The following TMEM74 variants were observed in gnomAD, a reference collection of about 807,000 sequenced individuals.
The protein encoded by TMEM74 is transmembrane protein 74.
Under a neutral mutation model 18.1 loss-of-function variants are expected in TMEM74, and 13 were observed. The observed-to-expected ratio is 0.72, with a 90% CI of 0.47 to 1.14. The LOEUF is 1.14. Ranked by LOEUF, TMEM74 falls within the 50% of genes most tolerant of loss-of-function variation. The pLI is 0.00. For synonymous variants in TMEM74, 159 were observed against 146.6 expected (o/e 1.08, Z -0.61); for missense variants, 372 against 375.9 (o/e 0.99, Z 0.09).
chr8:108,768,908 G>A (rs1471529589), intron 1 of TMEM74, among the ~76,000 whole-genome samples: 1 of 152,118 alleles, frequency 6.6e-6, no homozygotes, highest in Non-Finnish European at 1.5e-5. Context: ...TGGACCCTTT[G>A]ACCTGAGGCT....
rs536248162 is a variant in TMEM74, at chr8:108,742,149, G to A, written n.119+45327C>T. ...CAACAGACACTGGGGTCGGGTTGAGGGTGGGAGGAGGGAGAGGAGCAGAAA... is the reference window on the plus strand; with the variant it reads ...CAACAGACACTGGGGTCGGGTTGAGAGTGGGAGGAGGGAGAGGAGCAGAAA... On this transcript the variant is annotated intron_variant and non_coding_transcript_variant, in intron 1 of 3. Transcript: ENST00000518838. 3.3e-5 allele frequency among the ~76,000 whole-genome samples: 5 copies of A among 152,176 alleles called. No homozygotes were observed. In the East Asian group the frequency reaches 5.8e-4, roughly 18 times the overall value.
At chr8:108,707,641 T>C (rs562665380) in intron 1 of TMEM74, among the ~76,000 whole-genome samples, 2 of 152,192 alleles carry the variant, frequency 1.3e-5, no homozygotes, top group Non-Finnish European at 2.9e-5. Context: ...GATATACACA[T>C]GCAAAATAAT....
At position 108,620,526 on chromosome 8, in the gene TMEM74, A is replaced by G. The variant is rs192970552; in HGVS notation, n.265-11700T>C. Among the ~76,000 whole-genome samples, 551 of 152,296 alleles carry G rather than the reference A, an allele frequency of 3.6e-3. 4 individuals carry two copies. Among genetic ancestry groups the G allele is most frequent in the African/African-American group, 0.013 (523 of 41,568 alleles). ...TTTAGAAGGCGGATATTCCCACATC[A>G]TTATACATGTATGAAAAATCAGGCC... On this transcript the variant is annotated intron_variant and non_coding_transcript_variant, in intron 2 of 3. Coordinates refer to the TMEM74 transcript ENST00000518838.
At chr8:108,659,231 G>C (rs1394877537) in intron 1 of TMEM74, among the ~76,000 whole-genome samples, 1 of 36,232 alleles carries the variant, frequency 2.8e-5, no homozygotes, top group Non-Finnish European at 4.9e-5. Context: ...ATCCTGAGGT[G>C]TGGCCTTTAT....
At chr8:108,645,344 A>G (rs1346713169) in intron 2 of TMEM74, among the ~76,000 whole-genome samples, 4 of 151,966 alleles carry the variant, frequency 2.6e-5, no homozygotes, top group African/African-American at 9.7e-5. Context: ...GACACTGGAA[A>G]CTCCACAATA....
intron 1 of TMEM74, among the ~76,000 whole-genome samples, chr8:108,715,382 G>A (rs1225335040): frequency 6.6e-6 from 1 of 151,906 alleles, no homozygotes; most frequent in Non-Finnish European, 1.5e-5. Flanking sequence ...ATATACTCAG[G>A]TAACAAACTT....
chr8:108,640,384 G>T (rs1209115415), intron 2 of TMEM74, among the ~76,000 whole-genome samples: 1 of 152,000 alleles, frequency 6.6e-6, no homozygotes, highest in South Asian at 2.1e-4. Flanking sequence ...AAAGTGCTGG[G>T]ATTACAGGCA....
chr8:108,607,230 G>C (rs1220892413), exon 4 of TMEM74: 1 of 152,198 alleles, frequency 6.6e-6, no homozygotes, highest in African/African-American at 2.4e-5. Flanking sequence ...ATTGGACAAG[G>C]TCACATGACA....
intron 1 of TMEM74, among the ~76,000 whole-genome samples, chr8:108,785,769 C>T (rs147054404): frequency 6.6e-6 from 1 of 152,280 alleles, no homozygotes; most frequent in East Asian, 1.9e-4. Flanking sequence ...AAGCTTACAC[C>T]TCATACATCC....
At chr8:108,678,751 TTTA>T (rs1049535405) in intron 1 of TMEM74, among the ~76,000 whole-genome samples, 1 of 150,632 alleles carries the variant, frequency 6.6e-6, no homozygotes, top group Admixed American at 6.6e-5. Context: ...ATTTATTTAT[TTTA>T]TTATTATTAT....
At chr8:108,648,126 G>T (rs1812738705) in intron 2 of TMEM74, among the ~76,000 whole-genome samples, 1 of 152,008 alleles carries the variant, frequency 6.6e-6, no homozygotes, top group Non-Finnish European at 1.5e-5. Flanking sequence ...TTTGCATCCA[G>T]GTTCTTACAA....
At chr8:108,638,072 A>G (rs1812625144) in intron 2 of TMEM74, among the ~76,000 whole-genome samples, 1 of 152,148 alleles carries the variant, frequency 6.6e-6, no homozygotes, top group Admixed American at 6.6e-5. Flanking sequence ...TTCTACGTGC[A>G]TGTCTTCACA....
At chr8:108,649,669 G>C (rs1013898665) in intron 2 of TMEM74, among the ~76,000 whole-genome samples, 5 of 152,116 alleles carry the variant, frequency 3.3e-5, no homozygotes, top group African/African-American at 1.2e-4. Context: ...GCAGCCAGTA[G>C]CACCAGGTAT....
intron 1 of TMEM74, among the ~76,000 whole-genome samples, chr8:108,657,391 C>T (rs367748403): frequency 7.9e-5 from 12 of 151,796 alleles, no homozygotes; most frequent in African/African-American, 2.9e-4. Flanking sequence ...TCTGAAGCAC[C>T]AGCATAACAA....
intron 1 of TMEM74, among the ~76,000 whole-genome samples, chr8:108,667,218 A>G (rs1220554583): frequency 3.3e-5 from 5 of 152,180 alleles, no homozygotes; most frequent in Non-Finnish European, 5.9e-5. Flanking sequence ...CCAGTTGTGT[A>G]ACAAGTGGTT....
At chr8:108,724,968 C>T (rs1813620934) in intron 1 of TMEM74, among the ~76,000 whole-genome samples, 1 of 152,190 alleles carries the variant, frequency 6.6e-6, no homozygotes, top group Non-Finnish European at 1.5e-5. Flanking sequence ...GCCTCTAGGC[C>T]CTGCACAGTC....
At position 108,652,816 on chromosome 8, in the gene TMEM74, G is replaced by A. The variant is rs1442012150; in HGVS notation, n.264+2477C>T. 9.5e-6 allele frequency: 5 copies of A among 526,896 alleles called. No individual in the cohort carries two copies. In the Admixed American group the frequency reaches 1.3e-4, roughly 13 times the overall value. The allele number at this position is 526,896 out of a possible 1,614,324, so 32.6% of individuals were successfully genotyped here. ...CCCATGTCAAAGAAGGAATTGAGTA[G>A]ACTGGCTGGACAGATATGAAGGTTG... On this transcript the variant is annotated intron_variant and non_coding_transcript_variant, in intron 2 of 3. Coordinates refer to the TMEM74 transcript ENST00000518838.
chr8:108,651,912 A>G (rs576752045), intron 2 of TMEM74, among the ~76,000 whole-genome samples: 4 of 152,042 alleles, frequency 2.6e-5, no homozygotes, highest in African/African-American at 7.2e-5. Context: ...TGACTTCCTT[A>G]TACACCCAGT....
At chr8:108,706,592 A>C (rs1307157011) in intron 1 of TMEM74, among the ~76,000 whole-genome samples, 1 of 152,164 alleles carries the variant, frequency 6.6e-6, no homozygotes, top group African/African-American at 2.4e-5. Flanking sequence ...TTACTTTTTG[A>C]AAATTACTTA....
Sources: allele counts gnomAD v4.1 joint callset (sites outside exome capture counted in the v4.1 genomes callset), GRCh38; gene constraint gnomAD v4.1.1; transcripts MANE v1.5; gene names NCBI Gene and HGNC (gene_info 2026-07-23, HGNC 2026-07-21).